PTER: variants seen among roughly 807,000 people sequenced by gnomAD.
The protein encoded by PTER is N-acetyltaurine hydrolase.
In PTER, 38 loss-of-function variants were observed where a neutral mutation model predicts 29.6. The observed-to-expected ratio is 1.28, with a 90% CI of 0.99 to 1.68. PTER has a LOEUF of 1.68. PTER is among the 40% of genes most tolerant of loss of function. PTER has a pLI of 0.00. For missense variants in PTER, 482 were observed against 427.8 expected, an observed-to-expected ratio of 1.13 and a Z score of -1.12; for synonymous variants, 172 against 154.5, an observed-to-expected ratio of 1.11 and a Z score of -0.84.
intron 1 of PTER, among the ~76,000 whole-genome samples, chr10:16,455,895 TAG>T (rs1399775415): frequency 3.9e-5 from 6 of 152,244 alleles, no homozygotes; most frequent in Non-Finnish European, 8.8e-5. Flanking sequence ...TTTGAGCACT[TAG>T]AGAACACATC....
chr10:16,484,310 GTTGT>G (rs529714099), intron 1 of PTER, 23 bp from the exon 2 acceptor site: 257 of 1,345,124 alleles, frequency 1.9e-4, no homozygotes, highest in East Asian at 7.8e-4. Context: ...TCTGATTGTA[GTTGT>G]TTGTTTGTTT....
intron 1 of PTER, among the ~76,000 whole-genome samples, chr10:16,455,456 C>T (rs549586311): frequency 2.0e-5 from 3 of 151,512 alleles, no homozygotes; most frequent in African/African-American, 4.8e-5. Context: ...TTTGGGAGAC[C>T]GAGTCAGGAG....
chr10:16,489,906 T>C (rs1302629799), intron 3 of PTER, among the ~76,000 whole-genome samples: 1 of 152,182 alleles, frequency 6.6e-6, no homozygotes, highest in African/African-American at 2.4e-5. Flanking sequence ...AGTGCAGGAA[T>C]GGGGCTATGG....
intron 4 of PTER, among the ~76,000 whole-genome samples, chr10:16,506,571 A>G (rs993125313): frequency 2.0e-5 from 3 of 152,198 alleles, no homozygotes; most frequent in Admixed American, 6.5e-5. Context: ...CAAGGTTCCT[A>G]AGGCAACAAA....
intron 1 of PTER, among the ~76,000 whole-genome samples, chr10:16,478,951 C>G (rs999036670): frequency 5.9e-5 from 9 of 152,146 alleles, no homozygotes; most frequent in Admixed American, 3.9e-4. Context: ...AGGAGGAGAC[C>G]TTTCCCAGGC....
chr10:16,470,757 G>A lies in PTER; in HGVS notation c.-48-13580G>A, dbSNP rs532277727. Among the ~76,000 whole-genome samples the A allele has an allele frequency of 4.6e-5, 7 of 152,078 alleles. No homozygotes were observed. The South Asian group carries it at 1.5e-3, about 32-fold the overall frequency. On this transcript the variant is annotated intron_variant, in intron 1 of 4. Transcript: ENST00000535784. ...CACTCCAGCCTGGGTGACAGAGCAAGGCTCCATCTCAAAAAAAACAAAAAA... is the reference window on the plus strand; with the variant it reads ...CACTCCAGCCTGGGTGACAGAGCAAAGCTCCATCTCAAAAAAAACAAAAAA...
chr10:16,505,007 G>T lies in PTER; in HGVS notation c.699-13G>T, dbSNP rs373216665. 1.9e-6 allele frequency: 3 copies of T among 1,612,748 alleles called. No homozygotes were observed. Among genetic ancestry groups the T allele is most frequent in the Admixed American group, 1.7e-5 (1 of 59,854 alleles). ...TCTTCATAATAACAGTTCATCTGTCGCATTGTTTCTAGGACTATTCTTGAT... is the reference window on the plus strand; with the variant it reads ...TCTTCATAATAACAGTTCATCTGTCTCATTGTTTCTAGGACTATTCTTGAT... On this transcript the variant is annotated splice_polypyrimidine_tract_variant and intron_variant, in intron 3 of 4. Transcript: ENST00000535784.
At chr10:16,457,894 C>T (rs908717099) in intron 1 of PTER, among the ~76,000 whole-genome samples, 28 of 152,342 alleles carry the variant, frequency 1.8e-4, no homozygotes, top group African/African-American at 6.3e-4. Flanking sequence ...CAGGCATCTG[C>T]CACCATGCGG....
intron 1 of PTER, among the ~76,000 whole-genome samples, chr10:16,475,384 C>T (rs10904747): frequency 0.57 from 87,038 of 151,916 alleles, 26,271 homozygotes; most frequent in East Asian, 0.79. Flanking sequence ...GCTGAAATGA[C>T]TGGGGGCCCT....
At chr10:16,468,622 TGA>T (rs1205607259) in intron 1 of PTER, among the ~76,000 whole-genome samples, 2 of 152,094 alleles carry the variant, frequency 1.3e-5, no homozygotes, top group Non-Finnish European at 2.9e-5. Context: ...AACTGAGGAC[TGA>T]GAGGCAAAGA....
intron 1 of PTER, chr10:16,437,320 C>T (rs1422921735): frequency 2.0e-5 from 3 of 147,948 alleles, no homozygotes; most frequent in Non-Finnish European, 4.4e-5. Context: ...CTGTGCTAAG[C>T]CTCCTTTAAT....
rs180997561 is a variant in PTER at position 16,444,644 on chromosome 10, C to T, written c.-49+7597C>T. Among the ~76,000 whole-genome samples, 637 of 152,208 alleles carry T rather than the reference C, an allele frequency of 4.2e-3. 4 individuals carry two copies. Among genetic ancestry groups the T allele is most frequent in the Middle Eastern group, 0.01 (3 of 294 alleles). ...CAAGGCTCAAGTGATCCTCCCACCT[C>T]GGCCTCCCAAAATGCTAGGATCACA... On this transcript the variant is annotated intron_variant, in intron 1 of 4. Transcript: ENST00000535784.
At chr10:16,508,278 C>T (rs1182422107) in intron 4 of PTER, among the ~76,000 whole-genome samples, 2 of 151,990 alleles carry the variant, frequency 1.3e-5, no homozygotes, top group African/African-American at 4.8e-5. Context: ...CCGTGTTAGC[C>T]AGGATGGTCT....
Position 16,459,486 on chromosome 10 carries a change from T to G in PTER, c.-49+22439T>G, listed in dbSNP as rs183276967. 3.0e-3 allele frequency among the ~76,000 whole-genome samples: 455 copies of G among 152,298 alleles called. 2 individuals carry two copies. Among genetic ancestry groups the G allele is most frequent in the African/African-American group, 0.011 (438 of 41,554 alleles). ...TAATTTGTTCTCAAACTGATAATTA[T>G]TGTACGGTTTAGATAAATATCGATT... On this transcript the variant is annotated intron_variant, in intron 1 of 4. Coordinates refer to ENST00000535784, the MANE Select transcript of PTER (RefSeq NM_001261836.2).
At chr10:16,504,996 G>T in intron 3 of PTER, 24 bp from the exon 4 acceptor site, 2 of 1,612,442 alleles carry the variant, frequency 1.2e-6, no homozygotes, top group East Asian at 2.2e-5. Flanking sequence ...CATAATAACA[G>T]TTCATCTGTC....
intron 1 of PTER, among the ~76,000 whole-genome samples, chr10:16,473,357 C>T (rs1835125285): frequency 6.6e-6 from 1 of 151,932 alleles, no homozygotes; most frequent in Admixed American, 6.6e-5. Flanking sequence ...CTCTCCAGCA[C>T]ACCCCAGTTA....
chr10:16,491,590 G>A (rs1835900152), intron 3 of PTER, among the ~76,000 whole-genome samples: 1 of 151,944 alleles, frequency 6.6e-6, no homozygotes, highest in Non-Finnish European at 1.5e-5. Flanking sequence ...CCAAAACAAG[G>A]CCTCCAAAAA....
At chr10:16,445,812 C>G (rs1185019806) in intron 1 of PTER, among the ~76,000 whole-genome samples, 1 of 152,092 alleles carries the variant, frequency 6.6e-6, no homozygotes, top group East Asian at 1.9e-4. Flanking sequence ...ATGCTGTCTC[C>G]TGGGTGGTCT....
chr10:16,452,301 G>T (rs1361642198), intron 1 of PTER, among the ~76,000 whole-genome samples: 7 of 137,768 alleles, frequency 5.1e-5, no homozygotes, highest in Non-Finnish European at 4.7e-5. Context: ...GACTTTTTTT[G>T]TTTTTTTTTT....
Sources: allele counts gnomAD v4.1 joint callset (sites outside exome capture counted in the v4.1 genomes callset), GRCh38; gene constraint gnomAD v4.1.1; transcripts MANE v1.5; gene names NCBI Gene and HGNC (gene_info 2026-07-23, HGNC 2026-07-21).